Variants in PAX5 observed in about 807,000 individuals in gnomAD.
PAX5 encodes the protein paired box protein Pax-5.
PAX5 carries 9 observed loss-of-function variants against 43.7 expected under a neutral mutation model. That is an observed-to-expected ratio of 0.21 (90% CI 0.12 to 0.36). The LOEUF (loss-of-function observed/expected upper bound fraction) is 0.36. PAX5 is among the 10% of genes least tolerant of loss of function. The pLI, the probability that PAX5 is intolerant of heterozygous loss-of-function variation, is 1.00. For missense variants in PAX5, 383 were observed against 532.7 expected (o/e 0.72, Z 2.77); for synonymous variants, 228 against 214.3 (o/e 1.06, Z -0.56).
At chr9:36,878,781 G>A (rs550758733) in intron 8 of PAX5, among the ~76,000 whole-genome samples, 2 of 152,338 alleles carry the variant, frequency 1.3e-5, no homozygotes, top group South Asian at 2.1e-4. Flanking sequence ...TGGAAATTTT[G>A]TTGGAAACAA....
At chr9:37,000,713 T>C (rs574679303) in intron 5 of PAX5, among the ~76,000 whole-genome samples, 49 of 152,358 alleles carry the variant, frequency 3.2e-4, no homozygotes, top group African/African-American at 1.1e-3. Context: ...TCCCCAGAGA[T>C]AGGGCACTCA....
At chr9:37,017,059 T>C (rs1839445229) in intron 2 of PAX5, among the ~76,000 whole-genome samples, 2 of 152,334 alleles carry the variant, frequency 1.3e-5, no homozygotes, top group South Asian at 4.1e-4. Flanking sequence ...CAAACAACTT[T>C]TTAACAATAT....
intron 7 of PAX5, among the ~76,000 whole-genome samples, chr9:36,904,974 C>G (rs1170956604): frequency 6.6e-6 from 1 of 152,122 alleles, no homozygotes; most frequent in Non-Finnish European, 1.5e-5. Flanking sequence ...AATTATAAAT[C>G]AAGGCACAAT....
chr9:37,026,960 T>C (rs903411262), intron 1 of PAX5, among the ~76,000 whole-genome samples: 1 of 152,150 alleles, frequency 6.6e-6, no homozygotes, highest in Non-Finnish European at 1.5e-5. Context: ...AGGAGCAGCT[T>C]TGAGGAGGCC....
chr9:36,920,962 C>T (rs529431622), intron 7 of PAX5, among the ~76,000 whole-genome samples: 1 of 152,078 alleles, frequency 6.6e-6, no homozygotes, highest in African/African-American at 2.4e-5. Flanking sequence ...TACAGGCATG[C>T]ACCACCACAC....
rs1247515382 is a variant in PAX5 at position 36,834,314 on chromosome 9, A to G, written c.*6246T>C. On this transcript the variant is annotated 3_prime_UTR_variant, in exon 10 of 10. Transcript: ENST00000358127. Reference sequence around the variant, plus strand: ...GGACAGGCTGCTGCCGGGTCTGCTCACCTTCTCTGACCCAAGTCGAAGACA... The same window carrying G: ...GGACAGGCTGCTGCCGGGTCTGCTCGCCTTCTCTGACCCAAGTCGAAGACA... 4.3e-6 allele frequency: 1 copy of G among 233,160 alleles called. No individual in the cohort carries two copies. The highest frequency in any genetic ancestry group is 2.2e-5 in the African/African-American group (1 of 45,326). The allele number at this position is 233,160 out of a possible 1,614,324, so 14.4% of individuals were successfully genotyped here.
At chr9:36,871,745 G>A (rs1186324866) in intron 8 of PAX5, among the ~76,000 whole-genome samples, 1 of 152,190 alleles carries the variant, frequency 6.6e-6, no homozygotes, top group Non-Finnish European at 1.5e-5. Flanking sequence ...AGAAGGAGCT[G>A]GAAACTGGGG....
At chr9:36,905,639 G>A (rs141208597) in intron 7 of PAX5, among the ~76,000 whole-genome samples, 293 of 152,292 alleles carry the variant, frequency 1.9e-3, no homozygotes, top group Non-Finnish European at 3.0e-3. Flanking sequence ...CTGGATAAAG[G>A]TTCCACTGGG....
chr9:37,002,814 G>T, intron 4 of PAX5, 38 bp from the exon 5 acceptor site: 1 of 1,579,626 alleles, frequency 6.3e-7, no homozygotes, highest in Non-Finnish European at 8.6e-7. Context: ...GCCGCAGAGG[G>T]CTGAGGGCGG....
At chr9:36,944,617 C>G (rs1023792044) in intron 6 of PAX5, among the ~76,000 whole-genome samples, 1 of 152,184 alleles carries the variant, frequency 6.6e-6, no homozygotes, top group African/African-American at 2.4e-5. Context: ...CAGAGGTTTT[C>G]TGACTAACTC....
At chr9:37,023,955 C>A (rs550182361) in intron 1 of PAX5, among the ~76,000 whole-genome samples, 1 of 152,278 alleles carries the variant, frequency 6.6e-6, no homozygotes, top group African/African-American at 2.4e-5. Flanking sequence ...TACCCACTGC[C>A]CTCTCTCTGG....
chr9:36,932,766 C>T (rs550137948), intron 6 of PAX5, among the ~76,000 whole-genome samples: 5 of 151,484 alleles, frequency 3.3e-5, no homozygotes, highest in South Asian at 2.1e-4. Context: ...TGGAGTGTGT[C>T]GGGGGAGGGA....
intron 1 of PAX5, among the ~76,000 whole-genome samples, chr9:37,028,185 T>C (rs1008577457): frequency 9.9e-5 from 15 of 152,234 alleles, no homozygotes; most frequent in African/African-American, 3.1e-4. Flanking sequence ...ATCAGGCTCG[T>C]GATGGGATCG....
chr9:36,929,235 G>GAGGAAGGAAGGAAGGAAGAA, intron 6 of PAX5, among the ~76,000 whole-genome samples: 1 of 134,466 alleles, frequency 7.4e-6, no homozygotes, highest in Non-Finnish European at 1.6e-5. Context: ...AGGAAGGAAG[G>GAGGAAGGAAGGAAGGAAGAA]AGGAAGGAAG....
At chr9:36,861,295 A>G (rs1050383963) in intron 8 of PAX5, 3 of 151,550 alleles carry the variant, frequency 2.0e-5, no homozygotes, top group Admixed American at 1.3e-4. Flanking sequence ...CCATCCATTC[A>G]TCTATCAGAT....
rs1308622585 is a variant in PAX5 at position 37,015,216 on chromosome 9, G to A, written c.213-22C>T. On this transcript the variant is annotated intron_variant, in intron 2 of 9. Transcript: ENST00000358127. The surrounding 1 kb of genome is among the most constrained non-coding windows in gnomAD (Gnocchi z 4.4). ...ATACCTAGGACCCAAAGAGAAAGAA[G>A]CTTAGCCATGAGGAACCAGTAAAGT... The A allele has an allele frequency of 6.2e-7, 1 of 1,606,024 alleles. No individual in the cohort carries two copies. The highest frequency in any genetic ancestry group is 8.5e-7 in the Non-Finnish European group (1 of 1,173,156).
chr9:36,842,440 C>T (rs1822149884), intron 9 of PAX5, among the ~76,000 whole-genome samples: 1 of 152,140 alleles, frequency 6.6e-6, no homozygotes, highest in South Asian at 2.1e-4. Flanking sequence ...ACCCTCCAAG[C>T]CCTCAACCCC....
At chr9:37,023,737 C>T (rs1840050163) in intron 1 of PAX5, among the ~76,000 whole-genome samples, 1 of 152,074 alleles carries the variant, frequency 6.6e-6, no homozygotes, top group South Asian at 2.1e-4. Flanking sequence ...CTGACTCAGC[C>T]ACAGATTGAG....
intron 5 of PAX5, among the ~76,000 whole-genome samples, chr9:36,997,458 G>A (rs1032760231): frequency 1.2e-4 from 19 of 152,218 alleles, no homozygotes; most frequent in African/African-American, 4.6e-4. Context: ...GCGGCGGAAG[G>A]AGGTCTCACT....
Sources: allele counts gnomAD v4.1 joint callset (sites outside exome capture counted in the v4.1 genomes callset), GRCh38; gene constraint gnomAD v4.1.1; non-coding constraint Gnocchi (gnomAD v3.1); transcripts MANE v1.5; gene names NCBI Gene and HGNC (gene_info 2026-07-23, HGNC 2026-07-21).